Variants in PTPRD observed in about 807,000 individuals in gnomAD.
The protein encoded by PTPRD is protein tyrosine phosphatase receptor type D.
PTPRD carries 34 observed loss-of-function variants against 214.5 expected under a neutral mutation model. The ratio of observed to expected loss-of-function variants is 0.16; its 90% CI spans 0.12 to 0.21. PTPRD has a LOEUF of 0.21. PTPRD is among the 10% of genes least tolerant of loss of function. The pLI is 1.00. For synonymous variants in PTPRD, 1,128 were observed against 845.7 expected (o/e 1.33, Z -5.79); for missense variants, 2,545 against 2,398.7 (o/e 1.06, Z -1.27).
At position 8,317,797 on chromosome 9, in the gene PTPRD, G is replaced by A; in HGVS notation, c.*77C>T. ...CTAGAAGTTAAGAAGGACTTCTCAA[G>A]TGCCCTGTATGGCTCAGAAGAGACT... On this transcript the variant is annotated 3_prime_UTR_variant, in exon 46 of 46. Coordinates refer to ENST00000381196, the MANE Select transcript of PTPRD (RefSeq NM_002839.4). 1.5e-6 allele frequency: 2 copies of A among 1,312,764 alleles called. No homozygotes were observed. The highest frequency in any genetic ancestry group is 2.2e-6 in the Non-Finnish European group (2 of 917,248). The allele number at this position is 1,312,764 out of a possible 1,614,324, so 81.3% of individuals were successfully genotyped here. A position where few individuals can be genotyped will look rare whatever the true frequency, so the allele number is the denominator to read the frequency against.
At chr9:9,677,007 C>A (rs202099184) in intron 7 of PTPRD, among the ~76,000 whole-genome samples, 1 of 151,884 alleles carries the variant, frequency 6.6e-6, no homozygotes, top group Non-Finnish European at 1.5e-5. Context: ...GTTTGAGTTC[C>A]TTGTAGATTC....
intron 8 of PTPRD, among the ~76,000 whole-genome samples, chr9:9,402,829 G>C (rs1024788116): frequency 6.6e-6 from 1 of 151,582 alleles, no homozygotes; most frequent in Non-Finnish European, 1.5e-5. Context: ...CACAACTAAA[G>C]GAAGAATTAA....
chr9:9,475,312 A>G (rs2094944811), intron 8 of PTPRD, among the ~76,000 whole-genome samples: 1 of 152,222 alleles, frequency 6.6e-6, no homozygotes, highest in Non-Finnish European at 1.5e-5. Context: ...CTAGAATGTC[A>G]TTAACCAATA....
intron 10 of PTPRD, among the ~76,000 whole-genome samples, chr9:9,072,958 C>A (rs2099745933): frequency 6.6e-6 from 1 of 152,014 alleles, no homozygotes; most frequent in African/African-American, 2.4e-5. Flanking sequence ...CAGATCTCTA[C>A]TGACAGCATA....
At chr9:8,333,150 G>C (rs1423973675) in intron 43 of PTPRD, among the ~76,000 whole-genome samples, 1 of 152,134 alleles carries the variant, frequency 6.6e-6, no homozygotes, top group Non-Finnish European at 1.5e-5. Flanking sequence ...GAGAAATAGA[G>C]AAAACTATTT....
intron 11 of PTPRD, among the ~76,000 whole-genome samples, chr9:8,771,891 C>T (rs1381229051): frequency 2.0e-5 from 3 of 151,544 alleles, no homozygotes; most frequent in South Asian, 2.1e-4. Context: ...ACGCAGTGTA[C>T]CTCACGCAGA....
At chr9:9,732,720 G>T (rs879851959) in intron 7 of PTPRD, among the ~76,000 whole-genome samples, 4 of 152,126 alleles carry the variant, frequency 2.6e-5, no homozygotes, top group Non-Finnish European at 5.9e-5. Context: ...TGCTGAGGGA[G>T]ATGGAAGGCT....
intron 2 of PTPRD, among the ~76,000 whole-genome samples, chr9:10,497,953 T>C (rs1326679690): frequency 1.3e-5 from 2 of 152,068 alleles, no homozygotes; most frequent in Admixed American, 6.6e-5. Context: ...TGTTGGTTAA[T>C]AGCTGGACTT....
At chr9:9,687,658 C>G (rs964477428) in intron 7 of PTPRD, among the ~76,000 whole-genome samples, 1 of 151,558 alleles carries the variant, frequency 6.6e-6, no homozygotes. Flanking sequence ...ATTATGCAAT[C>G]TTTAACATGA....
intron 11 of PTPRD, among the ~76,000 whole-genome samples, chr9:8,741,538 G>A (rs1259410546): frequency 7.2e-6 from 1 of 138,098 alleles, no homozygotes; most frequent in Non-Finnish European, 1.5e-5. Context: ...ACAGAACATG[G>A]ATTCTATTAT....
At chr9:9,258,636 C>T (rs565111259) in intron 9 of PTPRD, among the ~76,000 whole-genome samples, 6 of 151,824 alleles carry the variant, frequency 4.0e-5, no homozygotes, top group South Asian at 4.1e-4. Flanking sequence ...TTCTAACTCA[C>T]CTTTCTTTTC....
At chr9:9,156,698 T>A (rs1451692910) in intron 10 of PTPRD, among the ~76,000 whole-genome samples, 4 of 152,086 alleles carry the variant, frequency 2.6e-5, no homozygotes, top group Non-Finnish European at 5.9e-5. Flanking sequence ...TAGATCATCC[T>A]CTATGTGGAC....
At chr9:9,234,686 G>T (rs1317052337) in intron 9 of PTPRD, among the ~76,000 whole-genome samples, 1 of 152,120 alleles carries the variant, frequency 6.6e-6, no homozygotes, top group African/African-American at 2.4e-5. Flanking sequence ...AAGGACAGGG[G>T]CAAAATGCCT....
intron 2 of PTPRD, among the ~76,000 whole-genome samples, chr9:10,531,965 T>G (rs1031255230): frequency 3.3e-5 from 5 of 152,174 alleles, no homozygotes; most frequent in African/African-American, 9.6e-5. Flanking sequence ...TATTTAATAG[T>G]GGGAATAACT....
chr9:8,523,480 G>C (rs2097932330), intron 19 of PTPRD, 33 bp downstream of exon 19: 2 of 1,609,706 alleles, frequency 1.2e-6, no homozygotes, highest in South Asian at 1.1e-5. Context: ...TAATAGTTTT[G>C]TAAGGTGGGT....
chr9:8,971,409 A>C (rs2099237601), intron 11 of PTPRD, among the ~76,000 whole-genome samples: 2 of 151,758 alleles, frequency 1.3e-5, no homozygotes, highest in South Asian at 4.1e-4. Context: ...CTTGAGCTTG[A>C]GTTCACAGCC....
At chr9:10,205,131 G>T (rs969080669) in intron 3 of PTPRD, among the ~76,000 whole-genome samples, 1 of 151,918 alleles carries the variant, frequency 6.6e-6, no homozygotes, top group African/African-American at 2.4e-5. Context: ...TAAATTCTCA[G>T]GAGAATTAAC....
At chr9:9,161,456 A>C (rs910049943) in intron 10 of PTPRD, among the ~76,000 whole-genome samples, 3 of 152,150 alleles carry the variant, frequency 2.0e-5, no homozygotes, top group Non-Finnish European at 2.9e-5. Flanking sequence ...CAAGATGCTG[A>C]GAAGAGAAAG....
chr9:9,912,477 T>C (rs976120160), intron 5 of PTPRD, among the ~76,000 whole-genome samples: 1 of 152,184 alleles, frequency 6.6e-6, no homozygotes, highest in Non-Finnish European at 1.5e-5. Context: ...TTTTGCCATA[T>C]GAATTAAGGT....
Sources: allele counts gnomAD v4.1 joint callset (sites outside exome capture counted in the v4.1 genomes callset), GRCh38; gene constraint gnomAD v4.1.1; transcripts MANE v1.5; gene names NCBI Gene and HGNC (gene_info 2026-07-23, HGNC 2026-07-21).